Variants in GBA1 observed in about 807,000 individuals in gnomAD.
The protein encoded by GBA1 is lysosomal acid glucosylceramidase.
the GBA1 span, among the ~76,000 whole-genome samples, chr1:155,242,667 C>A: frequency 6.6e-6 from 1 of 151,046 alleles, no homozygotes; most frequent in East Asian, 1.9e-4. Flanking sequence ...GTTGCCCAGG[C>A]TGGAGTGCAG....
At chr1:155,244,569 A>AGGCGCCTGGGCGGGACT in the GBA1 span, 1 of 152,218 alleles carries the variant, frequency 6.6e-6, no homozygotes, top group Non-Finnish European at 1.5e-5. Context: ...CAGCCTGCAA[A>AGGCGCCTGGGCGGGACT]GGCGCCTGGG....
the GBA1 span, chr1:155,235,627 G>A: frequency 6.6e-6 from 10 of 1,515,952 alleles, no homozygotes; most frequent in Non-Finnish European, 9.0e-6. Context: ...TAAGCCATCC[G>A]ATGTAGGAGA....
At chr1:155,238,004 G>T in the GBA1 span, 39 of 989,368 alleles carry the variant, frequency 3.9e-5, no homozygotes, top group South Asian at 4.6e-4. Flanking sequence ...AGGCTGAAAG[G>T]CCCAGAAGGT....
At chr1:155,236,005 A>G in the GBA1 span, among the ~76,000 whole-genome samples, 1 of 152,166 alleles carries the variant, frequency 6.6e-6, no homozygotes, top group East Asian at 1.9e-4. Flanking sequence ...AGATCCAGGC[A>G]TCTCAAGGGG....
At chr1:155,237,693 T>G in the GBA1 span, 1 of 1,557,184 alleles carries the variant, frequency 6.4e-7, no homozygotes. Context: ...GGTGGATCAC[T>G]TGAGTTCAGG....
chr1:155,237,226 G>T, the GBA1 span: 2 of 1,563,536 alleles, frequency 1.3e-6, no homozygotes, highest in Non-Finnish European at 8.7e-7. Context: ...AGGTCCAGGG[G>T]AATGGTGCTC....
the GBA1 span, chr1:155,238,833 A>G: frequency 8.6e-3 from 5,679 of 661,866 alleles, 82 homozygotes; most frequent in Non-Finnish European, 8.2e-3. Context: ...CTGAGTCCGT[A>G]GCAGTTAGCA....
At chr1:155,240,982 G>A in the GBA1 span, 9 of 1,133,950 alleles carry the variant, frequency 7.9e-6, no homozygotes, top group East Asian at 1.9e-4. Flanking sequence ...TGCTCAAAGA[G>A]CCATGATGGC....
chr1:155,235,626 C>G, the GBA1 span: 1 of 1,516,246 alleles, frequency 6.6e-7, no homozygotes, highest in Non-Finnish European at 9.0e-7. Flanking sequence ...GTAAGCCATC[C>G]GATGTAGGAG....
chr1:155,243,952 GC>G, the GBA1 span: 2 of 152,126 alleles, frequency 1.3e-5, no homozygotes, highest in African/African-American at 2.4e-5. Flanking sequence ...TCGTCGCCGG[GC>G]TCCGTGAATG....
chr1:155,243,469 T>G, the GBA1 span, among the ~76,000 whole-genome samples: 1 of 152,124 alleles, frequency 6.6e-6, no homozygotes, highest in Non-Finnish European at 1.5e-5. Context: ...CTGAGCAATT[T>G]TTTGTTTGTT....
the GBA1 span, among the ~76,000 whole-genome samples, chr1:155,241,785 A>T: frequency 6.6e-6 from 1 of 152,170 alleles, no homozygotes. Context: ...TAGCCAGTGA[A>T]GTGCAGGGCA....
At chr1:155,235,799 G>A in the GBA1 span, 1 of 1,614,218 alleles carries the variant, frequency 6.2e-7, no homozygotes, top group Non-Finnish European at 8.5e-7. Flanking sequence ...TCGGGGTTCA[G>A]GGCAAGGTTC....
the GBA1 span, chr1:155,241,288 C>G: frequency 1.5e-6 from 1 of 667,594 alleles, no homozygotes; most frequent in Non-Finnish European, 2.7e-6. Context: ...TGACTAGGAG[C>G]GTCACATGAC....
chr1:155,240,575 C>T, the GBA1 span: 26 of 1,361,486 alleles, frequency 1.9e-5, no homozygotes, highest in Admixed American at 3.4e-5. Context: ...TACCAAAGGA[C>T]TATGAGGCAG....
chr1:155,243,883 A>G, the GBA1 span, among the ~76,000 whole-genome samples: 4 of 151,768 alleles, frequency 2.6e-5, no homozygotes, highest in Admixed American at 1.3e-4. Flanking sequence ...AGCGGAGGGT[A>G]GGGACCAGTC....
At chr1:155,244,356 CGCCATTA>C in the GBA1 span, 7 of 151,962 alleles carry the variant, frequency 4.6e-5, no homozygotes, top group Non-Finnish European at 1.0e-4. Context: ...GCCAAGAAGG[CGCCATTA>C]CACTCCAGCC....
the GBA1 span, chr1:155,239,837 C>T: frequency 3.7e-6 from 6 of 1,613,974 alleles, no homozygotes; most frequent in African/African-American, 1.3e-5. Flanking sequence ...CACCATTTAC[C>T]TCTAGGAGGA....
chr1:155,235,403 A>T, the GBA1 span: 1 of 1,568,304 alleles, frequency 6.4e-7, no homozygotes, highest in Non-Finnish European at 8.6e-7. Flanking sequence ...CCACCCCATA[A>T]CTCCTGCAGA....
Sources: gnomAD v4.1 joint callset for allele counts (sites outside exome capture counted in the v4.1 genomes callset) on GRCh38, gnomAD v4.1.1 for gene constraint, MANE v1.5 for transcripts, NCBI Gene and HGNC (gene_info 2026-07-23, HGNC 2026-07-21) for gene names.